NRXN1: variants seen among roughly 807,000 people sequenced by gnomAD.
The protein encoded by NRXN1 is neurexin 1.
In NRXN1, 39 loss-of-function variants were observed where a neutral mutation model predicts 150.9. That is an observed-to-expected ratio of 0.26 (90% confidence interval 0.20 to 0.34). The LOEUF is 0.34. Ranked by LOEUF, NRXN1 falls within the 10% of genes least tolerant of loss-of-function variation. The pLI is 1.00. For missense variants in NRXN1, 1,815 were observed against 1,949.9 expected (o/e 0.93, Z 1.30); for synonymous variants, 924 against 757.0 (o/e 1.22, Z -3.62).
chr2:50,264,601 G>A (rs967180319), intron 17 of NRXN1, among the ~76,000 whole-genome samples: 2 of 151,926 alleles, frequency 1.3e-5, no homozygotes, highest in Non-Finnish European at 2.9e-5. Flanking sequence ...CAATGCAAGA[G>A]GTGAATGAGA....
At chr2:50,628,050 T>C (rs750142083) in intron 5 of NRXN1, among the ~76,000 whole-genome samples, 38 of 151,884 alleles carry the variant, frequency 2.5e-4, no homozygotes, top group Non-Finnish European at 4.9e-4. Flanking sequence ...AACTAAATTA[T>C]AAAGTTTTGG....
intron 17 of NRXN1, among the ~76,000 whole-genome samples, chr2:50,343,472 A>G (rs981880793): frequency 7.9e-5 from 12 of 152,160 alleles, no homozygotes; most frequent in Admixed American, 4.6e-4. Flanking sequence ...TAGAAAAAAA[A>G]AACACAATTT....
chr2:50,323,955 A>G (rs996641848), intron 17 of NRXN1, among the ~76,000 whole-genome samples: 1 of 152,202 alleles, frequency 6.6e-6, no homozygotes, highest in African/African-American at 2.4e-5. Context: ...GTAGTTCACT[A>G]GTGAGGATTT....
At chr2:50,218,808 C>A (rs996142230) in intron 18 of NRXN1, among the ~76,000 whole-genome samples, 4 of 152,062 alleles carry the variant, frequency 2.6e-5, no homozygotes, top group African/African-American at 9.6e-5. Flanking sequence ...CAACTTTGTA[C>A]CCAGTGACAT....
intron 21 of NRXN1, among the ~76,000 whole-genome samples, chr2:49,960,939 A>G (rs544942634): frequency 6.6e-6 from 1 of 152,202 alleles, no homozygotes; most frequent in African/African-American, 2.4e-5. Context: ...AAAGCTATCT[A>G]TTGGGTACGG....
intron 5 of NRXN1, among the ~76,000 whole-genome samples, chr2:50,842,341 G>C (rs1055277604): frequency 6.6e-6 from 1 of 152,182 alleles, no homozygotes; most frequent in Non-Finnish European, 1.5e-5. Context: ...TTAATGGAGG[G>C]AAGAATGTGT....
rs113912716 is a variant in NRXN1 at position 50,834,610 on chromosome 2, C to T, written c.832+87259G>A. Reference sequence around the variant, plus strand: ...TCTCAGAAAATCTGAATTTGAAGGACGCCAATAACAAACTAGATAACCACT... The same window carrying T: ...TCTCAGAAAATCTGAATTTGAAGGATGCCAATAACAAACTAGATAACCACT... On this transcript the variant is annotated intron_variant, in intron 5 of 22. Transcript: ENST00000401669. 4.8e-3 allele frequency among the ~76,000 whole-genome samples: 732 copies of T among 152,128 alleles called. 6 individuals carry two copies. The highest frequency in any genetic ancestry group is 0.017 in the African/African-American group (696 of 41,484).
At chr2:50,664,029 T>A (rs550797392) in intron 5 of NRXN1, among the ~76,000 whole-genome samples, 1 of 151,972 alleles carries the variant, frequency 6.6e-6, no homozygotes, top group Non-Finnish European at 1.5e-5. Context: ...CCTACTATGG[T>A]CAGGCACTTG....
At position 50,053,533 on chromosome 2, in the gene NRXN1, T is replaced by C. The variant is rs984172885; in HGVS notation, c.3866A>G (p.Gln1289Arg). ...QATIIIGGKE[Q>R]GQPFQGQLSG... is the part of the protein sequence containing the mutation. ...GAGCTGGCCCTGGAAGGGCTGGCCCTGCTCTTTCCCGCCAATTATTATGGT... is the reference window on the plus strand; with the variant it reads ...GAGCTGGCCCTGGAAGGGCTGGCCCCGCTCTTTCCCGCCAATTATTATGGT... Residue 1289 changes from glutamine to arginine, a missense_variant, in exon 21 of 23, where the codon CAG becomes CGG. By Grantham distance (43) the Gln-to-Arg change is conservative. Around this residue, in one of 6 missense-constraint regions of NRXN1, gnomAD observed 265 missense variants for 307.1 expected, o/e 0.86. Transcript: ENST00000401669. 6.2e-7 allele frequency: 1 copy of C among 1,614,078 alleles called. No homozygotes were observed. The highest frequency in any genetic ancestry group is 8.5e-7 in the Non-Finnish European group (1 of 1,179,946).
intron 8 of NRXN1, among the ~76,000 whole-genome samples, chr2:50,618,339 T>A (rs1264524272): frequency 1.3e-5 from 2 of 152,194 alleles, no homozygotes; most frequent in African/African-American, 4.8e-5. Context: ...GACTCTTCTG[T>A]GTTTCTCTCC....
intron 5 of NRXN1, among the ~76,000 whole-genome samples, chr2:50,634,297 T>C (rs903194393): frequency 2.0e-5 from 3 of 152,194 alleles, no homozygotes; most frequent in East Asian, 1.9e-4. Context: ...TATGAAGTTA[T>C]AGAACATAGG....
intron 16 of NRXN1, among the ~76,000 whole-genome samples, chr2:50,466,658 A>G (rs1344489139): frequency 6.6e-6 from 1 of 151,726 alleles, no homozygotes; most frequent in Non-Finnish European, 1.5e-5. Context: ...AAATCTTAAG[A>G]GAAGCCAAAA....
At chr2:50,676,687 T>C (rs1230809426) in intron 5 of NRXN1, among the ~76,000 whole-genome samples, 1 of 152,080 alleles carries the variant, frequency 6.6e-6, no homozygotes, top group East Asian at 1.9e-4. Flanking sequence ...ATTATAAAAA[T>C]CAAGAACCAA....
At position 50,585,831 on chromosome 2, in the gene NRXN1, T is replaced by C. The variant is rs142422109; in HGVS notation, c.1321-32806A>G. Among the ~76,000 whole-genome samples, 777 of 152,302 alleles carry C rather than the reference T, an allele frequency of 5.1e-3. 6 individuals are homozygous for C. Among genetic ancestry groups the C allele is most frequent in the African/African-American group, 0.017 (726 of 41,560 alleles). ...ATATTGCCAACTTCAGTGATTGCCATGAACCCTGTTCTTTCAGTGAAGCAG... is the reference window on the plus strand; with the variant it reads ...ATATTGCCAACTTCAGTGATTGCCACGAACCCTGTTCTTTCAGTGAAGCAG... On this transcript the variant is annotated intron_variant, in intron 8 of 22. Coordinates refer to ENST00000401669, the MANE Select transcript of NRXN1 (RefSeq NM_001330078.2).
intron 19 of NRXN1, among the ~76,000 whole-genome samples, chr2:50,083,047 A>G (rs1698192827): frequency 6.6e-6 from 1 of 152,220 alleles, no homozygotes; most frequent in Non-Finnish European, 1.5e-5. Context: ...GAGCTTTCAG[A>G]ATTGCCTGGA....
At position 49,922,221 on chromosome 2, in the gene NRXN1, G is replaced by A. The variant is rs199697191; in HGVS notation, c.4247C>T (p.Pro1416Leu). ...ANPTRAGGREPYPGSAEVIRE... is the reference protein window; with the variant it reads ...ANPTRAGGRELYPGSAEVIRE... ...GATCACTTCTGCTGAGCCTGGATAC[G>A]GCTCTCTGCCGCCTGCTCGGGTTGG... The change falls in exon 23 of 23, where the codon CCG (proline) becomes CTG (leucine). Residue 1416 changes from proline to leucine, a missense_variant. By Grantham distance (98) the Pro-to-Leu change is moderately conservative. This residue lies in a region of NRXN1 where 265 missense variants were observed against 307.1 expected (regional missense o/e 0.86). Transcript: ENST00000401669. 5 of 1,614,108 alleles carry A rather than the reference G, an allele frequency of 3.1e-6. No homozygotes were observed. The highest frequency in any genetic ancestry group is 1.1e-5 in the South Asian group (1 of 91,072).
intron 5 of NRXN1, among the ~76,000 whole-genome samples, chr2:50,720,611 G>C (rs539086529): frequency 2.0e-5 from 3 of 152,268 alleles, no homozygotes; most frequent in Admixed American, 6.5e-5. Context: ...GAACACAAAA[G>C]ATCCATGCTT....
intron 5 of NRXN1, among the ~76,000 whole-genome samples, chr2:50,804,416 G>T (rs1266551862): frequency 6.6e-6 from 1 of 152,152 alleles, no homozygotes; most frequent in Non-Finnish European, 1.5e-5. Flanking sequence ...TATTATTTCA[G>T]TTTTATAGGT....
chr2:50,149,958 C>G (rs1369603946), intron 18 of NRXN1, among the ~76,000 whole-genome samples: 1 of 151,646 alleles, frequency 6.6e-6, no homozygotes, highest in African/African-American at 2.4e-5. Context: ...CTATTGATGC[C>G]AAATGAAAGT....
Sources: allele counts gnomAD v4.1 joint callset (sites outside exome capture counted in the v4.1 genomes callset), GRCh38; gene constraint gnomAD v4.1.1; regional missense constraint gnomAD v4.1.1; transcripts MANE v1.5; gene names NCBI Gene and HGNC (gene_info 2026-07-23, HGNC 2026-07-21).